Variants in NRXN3 observed in about 807,000 individuals in gnomAD.
NRXN3 encodes neurexin III.
Under a neutral mutation model 137.6 loss-of-function variants are expected in NRXN3, and 32 were observed. That is an observed-to-expected ratio of 0.23 (90% CI 0.18 to 0.31). The LOEUF is 0.31. Ranked by LOEUF, NRXN3 falls within the 10% of genes least tolerant of loss-of-function variation. The probability of loss-of-function intolerance (pLI) is 1.00; values close to 1 mark genes in which losing one functional copy is unlikely to be tolerated. For missense variants in NRXN3, 1,574 were observed against 2,062.5 expected, an observed-to-expected ratio of 0.76 and a Z score of 4.59; for synonymous variants, 798 against 784.5, an observed-to-expected ratio of 1.02 and a Z score of -0.29.
chr14:79,018,281 AAAAAAAAAAAAAAAAG>A (rs1568003408), intron 15 of NRXN3, among the ~76,000 whole-genome samples: 11 of 60,230 alleles, frequency 1.8e-4, no homozygotes, highest in Non-Finnish European at 2.0e-4. Flanking sequence ...AAAAAAAAAA[AAAAAAAAAAAAAAAAG>A]AGAGAGAGCA....
intron 16 of NRXN3, among the ~76,000 whole-genome samples, chr14:79,521,458 G>A (rs1056656982): frequency 5.3e-5 from 8 of 152,014 alleles, no homozygotes; most frequent in East Asian, 1.9e-4. Context: ...TCTCAGTCTC[G>A]ACAAATATAT....
chr14:78,353,005 G>A (rs1036975729), intron 4 of NRXN3, among the ~76,000 whole-genome samples: 3 of 152,204 alleles, frequency 2.0e-5, no homozygotes, highest in African/African-American at 7.2e-5. Context: ...CTTCCTTAAG[G>A]TCATGAGCAG....
At chr14:78,444,727 T>G (rs1268216534) in intron 4 of NRXN3, among the ~76,000 whole-genome samples, 2 of 151,430 alleles carry the variant, frequency 1.3e-5, no homozygotes, top group Non-Finnish European at 2.9e-5. Flanking sequence ...TGAGACCAGC[T>G]TGGCCAACAT....
chr14:79,620,984 C>T (rs1055741201), intron 16 of NRXN3, among the ~76,000 whole-genome samples: 2 of 151,990 alleles, frequency 1.3e-5, no homozygotes, highest in African/African-American at 2.4e-5. Context: ...AAAGATTCAA[C>T]TAAAGAAAAG....
intron 20 of NRXN3, among the ~76,000 whole-genome samples, chr14:79,846,009 C>CT (rs556868912): frequency 1.1e-4 from 17 of 152,036 alleles, no homozygotes; most frequent in African/African-American, 1.7e-4. Context: ...ATTAAGTTCA[C>CT]TATCTTATGA....
chr14:78,685,596 C>T (rs1360512129), intron 6 of NRXN3, among the ~76,000 whole-genome samples: 2 of 146,506 alleles, frequency 1.4e-5, no homozygotes, highest in Admixed American at 1.4e-4. Context: ...ATGGCTTGTT[C>T]TCTCATGTTT....
At chr14:78,938,380 C>G (rs1022691558) in intron 10 of NRXN3, among the ~76,000 whole-genome samples, 2 of 152,182 alleles carry the variant, frequency 1.3e-5, no homozygotes, top group African/African-American at 4.8e-5. Context: ...CAGCTATTTC[C>G]TTTACCTGAT....
chr14:79,304,235 C>T (rs1241577125), intron 15 of NRXN3, among the ~76,000 whole-genome samples: 8 of 151,992 alleles, frequency 5.3e-5, no homozygotes, highest in Admixed American at 5.3e-4. Flanking sequence ...GGGTGAGTGT[C>T]GGAGTTCCCA....
intron 15 of NRXN3, among the ~76,000 whole-genome samples, chr14:79,269,689 A>G (rs534876636): frequency 6.6e-6 from 1 of 152,292 alleles, no homozygotes; most frequent in South Asian, 2.1e-4. Context: ...AAGGAACAAT[A>G]GGGTAAGCAA....
At chr14:78,886,911 A>T (rs2099145493) in intron 10 of NRXN3, among the ~76,000 whole-genome samples, 1 of 152,156 alleles carries the variant, frequency 6.6e-6, no homozygotes, top group African/African-American at 2.4e-5. Flanking sequence ...ATCATACCAT[A>T]ACCTAAGATC....
At chr14:79,840,367 A>ACTTTT (rs1221350951) in intron 20 of NRXN3, among the ~76,000 whole-genome samples, 2 of 152,082 alleles carry the variant, frequency 1.3e-5, no homozygotes, top group Non-Finnish European at 2.9e-5. Context: ...GTAACCTGGG[A>ACTTTT]TTGTGCAAAA....
intron 1 of NRXN3, among the ~76,000 whole-genome samples, chr14:78,183,611 AG>A (rs1454257373): frequency 6.6e-6 from 1 of 152,224 alleles, no homozygotes; most frequent in Non-Finnish European, 1.5e-5. Context: ...CCAGTCCTGC[AG>A]GTGAGTGAGT....
intron 20 of NRXN3, among the ~76,000 whole-genome samples, chr14:79,834,136 G>A (rs1568400915): frequency 6.6e-6 from 1 of 152,132 alleles, no homozygotes. Context: ...AGAGTTGGTA[G>A]TTACATAAAC....
chr14:78,725,083 A>G (rs1225953590), intron 8 of NRXN3, among the ~76,000 whole-genome samples: 1 of 152,238 alleles, frequency 6.6e-6, no homozygotes, highest in East Asian at 1.9e-4. Flanking sequence ...AGAGCCTTCT[A>G]AGAGGCCAGT....
At chr14:78,674,806 T>G (rs1217359897) in intron 6 of NRXN3, among the ~76,000 whole-genome samples, 2 of 152,198 alleles carry the variant, frequency 1.3e-5, no homozygotes, top group African/African-American at 4.8e-5. Flanking sequence ...AAGTAGTCCT[T>G]TTTGTCCACT....
chr14:78,593,274 C>T (rs2097132175), intron 4 of NRXN3, among the ~76,000 whole-genome samples: 1 of 152,186 alleles, frequency 6.6e-6, no homozygotes, highest in African/African-American at 2.4e-5. Context: ...ACATCTCTAG[C>T]TCTACCTGGA....
intron 16 of NRXN3, among the ~76,000 whole-genome samples, chr14:79,609,833 C>T (rs1603004753): frequency 6.6e-6 from 1 of 151,822 alleles, no homozygotes. Flanking sequence ...AATTTCTCAG[C>T]AAACTAACAC....
At chr14:78,852,357 A>G (rs1370260140) in intron 10 of NRXN3, among the ~76,000 whole-genome samples, 2 of 152,188 alleles carry the variant, frequency 1.3e-5, no homozygotes, top group Non-Finnish European at 2.9e-5. Flanking sequence ...TGACAATTTG[A>G]TAATTAACAA....
At chr14:79,515,625 C>T (rs1054541117) in intron 16 of NRXN3, among the ~76,000 whole-genome samples, 7 of 141,572 alleles carry the variant, frequency 4.9e-5, no homozygotes, top group African/African-American at 1.9e-4. Context: ...TCCCGCCTTC[C>T]TGTCTTCCTC....
Sources: allele counts gnomAD v4.1 joint callset (sites outside exome capture counted in the v4.1 genomes callset), GRCh38; gene constraint gnomAD v4.1.1; transcripts MANE v1.5; gene names NCBI Gene and HGNC (gene_info 2026-07-23, HGNC 2026-07-21).